TBX5: variants seen among roughly 807,000 people sequenced by gnomAD.
TBX5 encodes the protein T-box transcription factor 5, also known as T-box transcription factor TBX5.
TBX5 carries 8 observed loss-of-function variants against 51.1 expected under a neutral mutation model. The observed-to-expected ratio is 0.16, with a 90% CI of 0.09 to 0.28. The LOEUF is 0.28. Ranked by LOEUF, TBX5 falls within the 10% of genes least tolerant of loss-of-function variation. TBX5 has a pLI of 1.00. For missense variants in TBX5, 589 were observed against 671.7 expected (o/e 0.88, Z 1.36); for synonymous variants, 302 against 266.4 (o/e 1.13, Z -1.30).
At chr12:114,362,167 C>T (rs893224114) in intron 8 of TBX5, among the ~76,000 whole-genome samples, 1 of 152,130 alleles carries the variant, frequency 6.6e-6, no homozygotes, top group South Asian at 2.1e-4. Context: ...TCTCCTGTTT[C>T]AGACCCCATG....
At chr12:114,367,477 A>C (rs1869611466) in intron 7 of TBX5, among the ~76,000 whole-genome samples, 1 of 152,098 alleles carries the variant, frequency 6.6e-6, no homozygotes, top group Non-Finnish European at 1.5e-5. Context: ...CACTCTTAGG[A>C]CTGGTCCTCC....
chr12:114,382,514 T>G (rs1415348159), intron 7 of TBX5, among the ~76,000 whole-genome samples: 2 of 151,788 alleles, frequency 1.3e-5, no homozygotes, highest in African/African-American at 2.4e-5. Context: ...AAATACAAAT[T>G]TAGGCTAGGC....
At chr12:114,406,292 C>T (rs143299242), upstream of TBX5, among the ~76,000 whole-genome samples, 1,070 of 147,492 alleles carry the variant, frequency 7.3e-3, 10 homozygotes, top group African/African-American at 0.025. Flanking sequence ...TCAACACAGA[C>T]CTGCAATAAC....
Position 114,355,659 on chromosome 12 carries a change from T to C in TBX5, c.1430A>G (p.Gln477Arg). 3 of 1,614,174 alleles carry C rather than the reference T, an allele frequency of 1.9e-6. No homozygotes were observed. The highest frequency in any genetic ancestry group is 2.5e-6 in the Non-Finnish European group (3 of 1,180,026). ...VRQCGPQTGL[Q>R]SPGTLQPPEF... is the part of the protein sequence containing the mutation. Reference sequence around the variant, plus strand: ...AGGGGGCTGAAGGGTGCCAGGGGACTGCAGGCCAGTCTGAGGCCCACACTG... The same window carrying C: ...AGGGGGCTGAAGGGTGCCAGGGGACCGCAGGCCAGTCTGAGGCCCACACTG... Residue 477 changes from glutamine to arginine, a missense_variant, in exon 9 of 9, where the codon CAG becomes CGG. Gln to Arg is a conservative substitution (Grantham distance 43). Transcript: ENST00000405440.
intron 5 of TBX5, 25 bp from the exon 6 acceptor site, chr12:114,394,918 T>C: frequency 1.2e-6 from 2 of 1,610,654 alleles, no homozygotes; most frequent in Non-Finnish European, 1.7e-6. Flanking sequence ...GAAAATGAGA[T>C]TGTAAGAAAA....
At chr12:114,371,554 T>G (rs577067350) in intron 7 of TBX5, among the ~76,000 whole-genome samples, 1 of 150,636 alleles carries the variant, frequency 6.6e-6, no homozygotes, top group East Asian at 2.0e-4. Flanking sequence ...TGGGAGCAGG[T>G]GGCAGGGGGC....
At chr12:114,372,180 C>T (rs1039990748) in intron 7 of TBX5, among the ~76,000 whole-genome samples, 6 of 152,134 alleles carry the variant, frequency 3.9e-5, no homozygotes, top group Non-Finnish European at 5.9e-5. Flanking sequence ...ACTAAAAGCC[C>T]GACTTCACCA....
At chr12:114,403,265 CGGAGGAGGCA>C (rs893013860) in intron 2 of TBX5, among the ~76,000 whole-genome samples, 68 of 152,154 alleles carry the variant, frequency 4.5e-4, no homozygotes, top group South Asian at 6.2e-4. Context: ...GTCGGCGGCG[CGGAGGAGGCA>C]GGAGGAGGCA....
chr12:114,396,573 A>T (rs959704688), intron 5 of TBX5, among the ~76,000 whole-genome samples: 3 of 151,996 alleles, frequency 2.0e-5, no homozygotes, highest in Non-Finnish European at 4.4e-5. Context: ...GGGGTTGTGC[A>T]CCTTCCGCAG....
chr12:114,379,756 C>T (rs1374162923), intron 7 of TBX5, among the ~76,000 whole-genome samples: 1 of 152,216 alleles, frequency 6.6e-6, no homozygotes, highest in Non-Finnish European at 1.5e-5. Context: ...CCCTGGTCCC[C>T]TGTGTGTTGA....
chr12:114,382,864 C>T (rs1419880068), intron 7 of TBX5, among the ~76,000 whole-genome samples: 3 of 151,776 alleles, frequency 2.0e-5, no homozygotes. Context: ...TGCCTGCAGT[C>T]CCAGGTACTT....
In TBX5 at chr12:114,399,582, G is replaced by T. The variant is rs772844823; in HGVS notation, c.293C>A (p.Thr98Lys). 1.2e-6 allele frequency: 2 copies of T among 1,614,138 alleles called. No individual in the cohort carries two copies. Among genetic ancestry groups the T allele is most frequent in the South Asian group, 1.1e-5 (1 of 91,080 alleles). ...AATGTCCATGAGAAGAATGTACTTC[G>T]TTTTGGGATTAAGGCCCGTCACCTT... ...KVKVTGLNPK[T>K]KYILLMDIVP... The change falls in exon 4 of 9, where the codon ACG becomes AAG. Residue 98 changes from threonine (T) to lysine (K), a missense_variant. By Grantham distance (78) the Thr-to-Lys change is moderately conservative. Coordinates refer to ENST00000405440, the MANE Select transcript of TBX5 (RefSeq NM_181486.4).
intron 7 of TBX5, among the ~76,000 whole-genome samples, chr12:114,371,351 G>C (rs571997546): frequency 6.6e-6 from 1 of 152,124 alleles, no homozygotes; most frequent in Non-Finnish European, 1.5e-5. Flanking sequence ...CTTCTCCCCA[G>C]CTCTGCCCTT....
At chr12:114,366,518 T>TC in intron 7 of TBX5, 127 bp from the exon 8 acceptor site, 1 of 853,892 alleles carries the variant, frequency 1.2e-6, no homozygotes, top group Non-Finnish European at 1.9e-6. Context: ...AGGTCTTTGA[T>TC]GAATAAAATG....
At chr12:114,388,674 C>A (rs1313611794) in intron 6 of TBX5, among the ~76,000 whole-genome samples, 2 of 79,262 alleles carry the variant, frequency 2.5e-5, no homozygotes, top group Non-Finnish European at 5.0e-5. Flanking sequence ...TTTAAAGTAT[C>A]CGTGTGTGTG....
chr12:114,394,362 C>T (rs1871307492), intron 6 of TBX5, among the ~76,000 whole-genome samples: 1 of 152,226 alleles, frequency 6.6e-6, no homozygotes, highest in South Asian at 2.1e-4. Flanking sequence ...AAACTGACCC[C>T]AGCAGAAACA....
At chr12:114,366,493 A>G in intron 7 of TBX5, 102 bp from the exon 8 acceptor site, 1 of 1,154,786 alleles carries the variant, frequency 8.7e-7, no homozygotes, top group Non-Finnish European at 1.3e-6. Context: ...AAGTCACAGA[A>G]TAAGGAAAAA....
intron 6 of TBX5, among the ~76,000 whole-genome samples, chr12:114,393,236 AC>A (rs995974174): frequency 6.6e-6 from 1 of 151,562 alleles, no homozygotes; most frequent in African/African-American, 2.4e-5. Context: ...TTCCCCCTCC[AC>A]CCCAGCCTTG....
In TBX5 at chr12:114,368,845, C is replaced by T. The variant is rs1185087967; in HGVS notation, c.756-2454G>A. 2.6e-5 allele frequency among the ~76,000 whole-genome samples: 4 copies of T among 152,180 alleles called. No homozygotes were observed. The South Asian group carries it at 6.2e-4, about 24-fold the overall frequency. On this transcript the variant is annotated intron_variant, in intron 7 of 8. Transcript: ENST00000405440. ...AGTCTACAGACACCCTCAGGACACC[C>T]AGGGGTCTCCTAGCCCAGCTTCCCT... is the stretch of plus-strand genomic sequence containing the variant.
Sources: allele counts gnomAD v4.1 joint callset (sites outside exome capture counted in the v4.1 genomes callset), GRCh38; gene constraint gnomAD v4.1.1; transcripts MANE v1.5; gene names NCBI Gene and HGNC (gene_info 2026-07-23, HGNC 2026-07-21).